Variants in DPYD observed in about 807,000 individuals in gnomAD.
DPYD encodes the protein dihydropyrimidine dehydrogenase [NADP(+)].
Under a neutral mutation model 116.2 loss-of-function variants are expected in DPYD, and 109 were observed. The ratio of observed to expected loss-of-function variants is 0.94; its 90% CI spans 0.80 to 1.10. The LOEUF (loss-of-function observed/expected upper bound fraction) is 1.10. Among genes scored for constraint, DPYD ranks in the 50% least tolerant of loss-of-function variants. DPYD has a pLI of 0.00. For missense variants in DPYD, 1,302 were observed against 1,254.5 expected (o/e 1.04, Z -0.57); for synonymous variants, 440 against 432.0 (o/e 1.02, Z -0.23).
intron 12 of DPYD, among the ~76,000 whole-genome samples, chr1:97,534,568 T>C (rs1649858312): frequency 6.6e-6 from 1 of 152,156 alleles, no homozygotes; most frequent in Non-Finnish European, 1.5e-5. Context: ...TTTTCTTTTA[T>C]TTTTTATGGA....
chr1:97,090,424 G>A (rs1649823674), intron 21 of DPYD, among the ~76,000 whole-genome samples: 1 of 152,056 alleles, frequency 6.6e-6, no homozygotes, highest in East Asian at 1.9e-4. Context: ...TAGCACAGAG[G>A]GTTATTGTGA....
At chr1:97,494,259 C>T (rs375106943) in intron 13 of DPYD, among the ~76,000 whole-genome samples, 57 of 152,214 alleles carry the variant, frequency 3.7e-4, no homozygotes, top group Non-Finnish European at 7.2e-4. Context: ...TGCAGAGGTG[C>T]GAGCATAGCT....
rs143986398 is a variant in DPYD, at chr1:97,740,439, G to C, written c.274C>G (p.Pro92Ala). The C allele has an allele frequency of 1.2e-4, 195 of 1,612,982 alleles. No homozygotes were observed. The highest frequency in any genetic ancestry group is 1.5e-4 in the Non-Finnish European group (179 of 1,179,504). The change falls in exon 4 of 23, where the codon CCA (proline) becomes GCA (alanine). Residue 92 changes from proline to alanine, a missense_variant. Physicochemically the swap from Pro to Ala is conservative, Grantham distance 27. Coordinates refer to ENST00000370192, the MANE Select transcript of DPYD (RefSeq NM_000110.4). ...AATGATTTAATATCAAGATTAGTTG[G>C]ACAGCTCTTCTGACACGGGGCATCT... Reference protein sequence around the residue: ...CADAPCQKSCPTNLDIKSFIT... With the variant: ...CADAPCQKSCATNLDIKSFIT...
In DPYD at chr1:97,246,108, TA is replaced by T. The variant is rs530747875; in HGVS notation, c.2300-11115del. ...GAACCCTCTGAATCAATGCTCACTC[TA>T]AAACTGACCAGGCACTTTGAAAAAG... On this transcript the variant is annotated intron_variant, in intron 18 of 22. Transcript: ENST00000370192. Among the ~76,000 whole-genome samples the T allele has an allele frequency of 1.1e-3, 164 of 152,272 alleles. 1 individual carries two copies. Among genetic ancestry groups the T allele is most frequent in the Admixed American group, 1.2e-3 (19 of 15,264 alleles).
At chr1:97,153,412 T>A (rs976114446) in intron 20 of DPYD, among the ~76,000 whole-genome samples, 1 of 152,078 alleles carries the variant, frequency 6.6e-6, no homozygotes, top group Non-Finnish European at 1.5e-5. Context: ...TCTATCCTAT[T>A]CAACAAATGG....
At chr1:97,189,987 G>A (rs574973485) in intron 20 of DPYD, among the ~76,000 whole-genome samples, 2 of 152,120 alleles carry the variant, frequency 1.3e-5, no homozygotes, top group Non-Finnish European at 2.9e-5. Flanking sequence ...GTTAATGAGG[G>A]ATTATGGAAC....
At chr1:97,601,707 T>A (rs1180134556) in intron 8 of DPYD, among the ~76,000 whole-genome samples, 1 of 152,020 alleles carries the variant, frequency 6.6e-6, no homozygotes. Flanking sequence ...GATCTATATA[T>A]TGATGAGAAA....
chr1:97,704,597 T>A lies in DPYD; in HGVS notation c.484-5050A>T, dbSNP rs149120595. On this transcript the variant is annotated intron_variant, in intron 5 of 22. Coordinates refer to ENST00000370192, the MANE Select transcript of DPYD (RefSeq NM_000110.4). The stretch of plus-strand genomic sequence containing the variant: ...GTCTTCAGAGAAGTGCAACATAAAA[T>A]TACAAACAAATTATACATAAAAGAT... 7.2e-3 allele frequency among the ~76,000 whole-genome samples: 1,091 copies of A among 152,016 alleles called. 15 individuals are homozygous for A. Among genetic ancestry groups the A allele is most frequent in the African/African-American group, 0.025 (1,047 of 41,540 alleles).
rs945504993 is a variant in DPYD, at chr1:97,818,831, A to G, written c.233+9283T>C. Among the ~76,000 whole-genome samples the G allele has an allele frequency of 3.9e-5, 6 of 152,116 alleles. No homozygotes were observed. The East Asian group carries it at 1.2e-3, about 29-fold the overall frequency. ...ATTCATATTACAAAATGTACATGAAACTAATTATATAAATTACCAAATGTG... is the reference window on the plus strand; with the variant it reads ...ATTCATATTACAAAATGTACATGAAGCTAATTATATAAATTACCAAATGTG... On this transcript the variant is annotated intron_variant, in intron 3 of 22. Coordinates refer to ENST00000370192, the MANE Select transcript of DPYD (RefSeq NM_000110.4).
At chr1:97,894,473 T>C (rs899684300) in intron 1 of DPYD, among the ~76,000 whole-genome samples, 1 of 151,802 alleles carries the variant, frequency 6.6e-6, no homozygotes, top group Admixed American at 6.6e-5. Context: ...AAGTCACCTT[T>C]AGCCTAAGAG....
intron 18 of DPYD, among the ~76,000 whole-genome samples, chr1:97,274,714 C>T (rs750204890): frequency 9.2e-5 from 14 of 152,062 alleles, no homozygotes; most frequent in Non-Finnish European, 1.6e-4. Flanking sequence ...TGGCAAAACG[C>T]GCAATTACTT....
At chr1:97,617,950 A>G (rs1656392638) in intron 8 of DPYD, among the ~76,000 whole-genome samples, 1 of 152,216 alleles carries the variant, frequency 6.6e-6, no homozygotes, top group Non-Finnish European at 1.5e-5. Context: ...AAACTCTCTC[A>G]GTTTGCCACT....
Position 97,661,377 on chromosome 1 carries a change from T to C in DPYD, c.850+17718A>G, listed in dbSNP as rs185238432. 4.6e-5 allele frequency among the ~76,000 whole-genome samples: 7 copies of C among 152,306 alleles called. No homozygotes were observed. The East Asian group carries it at 1.4e-3, about 29-fold the overall frequency. On this transcript the variant is annotated intron_variant, in intron 8 of 22. Transcript: ENST00000370192. ...CCATATGTTCAATTATTCGGCATTA[T>C]GGAAACATATAGAATCGAGGAGGAC...
chr1:97,742,325 T>C (rs985537644), intron 3 of DPYD, among the ~76,000 whole-genome samples: 2 of 152,154 alleles, frequency 1.3e-5, no homozygotes, highest in African/African-American at 4.8e-5. Context: ...TCTGAACCAA[T>C]TTCTCAGTGC....
At chr1:97,699,783 C>A (rs990352425) in intron 5 of DPYD, among the ~76,000 whole-genome samples, 2 of 151,934 alleles carry the variant, frequency 1.3e-5, no homozygotes, top group Non-Finnish European at 2.9e-5. Flanking sequence ...GGGGCACATT[C>A]CCTACTCCCA....
intron 3 of DPYD, among the ~76,000 whole-genome samples, chr1:97,746,832 G>T (rs1048757863): frequency 6.6e-6 from 1 of 151,804 alleles, no homozygotes; most frequent in African/African-American, 2.4e-5. Flanking sequence ...AAATATAAAC[G>T]ATATAAAAAT....
chr1:97,112,233 T>G (rs930663145), intron 20 of DPYD, among the ~76,000 whole-genome samples: 1 of 152,098 alleles, frequency 6.6e-6, no homozygotes, highest in African/African-American at 2.4e-5. Flanking sequence ...TCCCATCCCT[T>G]CAGCAAACCA....
At chr1:97,563,537 A>G (rs1192205986) in intron 11 of DPYD, among the ~76,000 whole-genome samples, 1 of 152,176 alleles carries the variant, frequency 6.6e-6, no homozygotes, top group Admixed American at 6.6e-5. Flanking sequence ...GTAATCTTCA[A>G]TTTGATGGAA....
At chr1:97,470,527 T>C (rs1369082612) in intron 13 of DPYD, among the ~76,000 whole-genome samples, 2 of 152,184 alleles carry the variant, frequency 1.3e-5, no homozygotes, top group Non-Finnish European at 2.9e-5. Flanking sequence ...AATACTGATG[T>C]ATACTTTATC....
Sources: allele counts gnomAD v4.1 joint callset (sites outside exome capture counted in the v4.1 genomes callset), GRCh38; gene constraint gnomAD v4.1.1; transcripts MANE v1.5; gene names NCBI Gene and HGNC (gene_info 2026-07-23, HGNC 2026-07-21).